Variants in LRP6 observed in about 807,000 individuals in gnomAD.
LRP6 encodes low-density lipoprotein receptor-related protein 6.
A neutral mutation model predicts 184.1 loss-of-function variants in LRP6; 43 were observed. That is an observed-to-expected ratio of 0.23 (90% CI 0.18 to 0.30). The LOEUF is 0.30. Ranked by LOEUF, LRP6 falls within the 10% of genes least tolerant of loss-of-function variation. The pLI is 1.00. For synonymous variants in LRP6, 719 were observed against 684.9 expected, an observed-to-expected ratio of 1.05 and a Z score of -0.78; for missense variants, 1,571 against 2,005.3, an observed-to-expected ratio of 0.78 and a Z score of 4.14.
In LRP6 at chr12:12,266,873, G is replaced by A. The variant is rs531315557; in HGVS notation, c.-138C>T. ...TTCCCAGCGAGAGAAGAAAGAAAGGGGCACGTCAAGGTTCCGCGCGCGCCG... is the reference window on the plus strand; with the variant it reads ...TTCCCAGCGAGAGAAGAAAGAAAGGAGCACGTCAAGGTTCCGCGCGCGCCG... On this transcript the variant is annotated 5_prime_UTR_variant, in exon 1 of 23. Coordinates refer to ENST00000261349, the MANE Select transcript of LRP6 (RefSeq NM_002336.3). The A allele has an allele frequency of 6.9e-5, 54 of 778,844 alleles. No individual in the cohort carries two copies. In the Admixed American group the frequency reaches 1.1e-3, roughly 15 times the overall value. The allele number at this position is 778,844 out of a possible 1,614,324, so 48.2% of individuals were successfully genotyped here. A position where few individuals can be genotyped will look rare whatever the true frequency, so the allele number is the denominator to read the frequency against.
At chr12:12,216,260 T>C (rs1275585936) in intron 2 of LRP6, among the ~76,000 whole-genome samples, 1 of 152,182 alleles carries the variant, frequency 6.6e-6, no homozygotes, top group Non-Finnish European at 1.5e-5. Context: ...AGCTATTAGA[T>C]TTCTGAATGT....
At position 12,233,444 on chromosome 12, in the gene LRP6, G is replaced by A. The variant is rs537672851; in HGVS notation, c.449+10818C>T. Reference sequence around the variant, plus strand: ...GATCATGCCACTGCACTCCAGCCTGGGCAACAGAGTCAGACTCCATCTCAA... The same window carrying A: ...GATCATGCCACTGCACTCCAGCCTGAGCAACAGAGTCAGACTCCATCTCAA... On this transcript the variant is annotated intron_variant, in intron 2 of 22. Transcript: ENST00000261349. Among the ~76,000 whole-genome samples the A allele has an allele frequency of 2.6e-5, 4 of 152,128 alleles. No individual in the cohort carries two copies. In the South Asian group the frequency reaches 8.3e-4, roughly 32 times the overall value.
In LRP6 at chr12:12,118,603, T is replaced by C. The variant is rs1036595769; in HGVS notation, c.*2523A>G. 8.5e-5 allele frequency: 13 copies of C among 152,216 alleles called. No homozygotes were observed. The highest frequency in any genetic ancestry group is 5.9e-4 in the Admixed American group (9 of 15,282). The allele number at this position is 152,216 out of a possible 1,614,324, so 9.4% of individuals were successfully genotyped here. A position where few individuals can be genotyped will look rare whatever the true frequency, so the allele number is the denominator to read the frequency against. On this transcript the variant is annotated 3_prime_UTR_variant, in exon 23 of 23. Coordinates refer to ENST00000261349, the MANE Select transcript of LRP6 (RefSeq NM_002336.3). Reference sequence around the variant, plus strand: ...CAACTTTTCCAATTACAGCTTGTGTTTGATAATCAATATACAGTTTACTTA... The same window carrying C: ...CAACTTTTCCAATTACAGCTTGTGTCTGATAATCAATATACAGTTTACTTA...
chr12:12,135,330 AGGAGGGGGAGT>A (rs754465147), intron 16 of LRP6, 30 bp from the exon 17 acceptor site: 17 of 1,434,384 alleles, frequency 1.2e-5, no homozygotes, highest in Non-Finnish European at 1.4e-5. Context: ...GGATGGGGAG[AGGAGGGGGAGT>A]GGAGGGGGAG....
rs2300232 is a variant in LRP6 at position 12,163,281 on chromosome 12, C to T, written c.2053-862G>A. On this transcript the variant is annotated intron_variant, in intron 9 of 22. Transcript: ENST00000261349. ...CCTGAGTCACCGCACCCAGCCACCC[C>T]CCATTTTCAAGATGAGGAAATTTAG... 2.0e-4 allele frequency among the ~76,000 whole-genome samples: 31 copies of T among 152,136 alleles called. No individual in the cohort carries two copies. The East Asian group carries it at 5.2e-3, about 26-fold the overall frequency.
Position 12,177,889 on chromosome 12 carries a change from TGAAG to T in LRP6, c.1545+1917_1545+1920del, listed in dbSNP as rs1165436890. Among the ~76,000 whole-genome samples, 9 of 151,274 alleles carry T rather than the reference TGAAG, an allele frequency of 5.9e-5. No homozygotes were observed. The East Asian group carries it at 1.5e-3, about 26-fold the overall frequency. On this transcript the variant is annotated intron_variant, in intron 7 of 22. Coordinates refer to ENST00000261349, the MANE Select transcript of LRP6 (RefSeq NM_002336.3). Reference sequence around the variant, plus strand: ...TTTGCAGATTAAAAGAACGAATGAATGAAGGAACAAATGAACGAATGAACGAATG... The same window carrying T: ...TTTGCAGATTAAAAGAACGAATGAATGAACAAATGAACGAATGAACGAATG...
At chr12:12,207,903 G>A (rs967683913) in intron 2 of LRP6, among the ~76,000 whole-genome samples, 1 of 152,110 alleles carries the variant, frequency 6.6e-6, no homozygotes, top group African/African-American at 2.4e-5. Flanking sequence ...TGACCACTAA[G>A]ATAACAGTGA....
At chr12:12,242,623 T>G (rs1268990312) in intron 2 of LRP6, among the ~76,000 whole-genome samples, 1 of 152,172 alleles carries the variant, frequency 6.6e-6, no homozygotes, top group Non-Finnish European at 1.5e-5. Flanking sequence ...AACAACCAAA[T>G]TCTTTGATAA....
At chr12:12,232,121 C>A (rs368228454) in intron 2 of LRP6, among the ~76,000 whole-genome samples, 1 of 151,966 alleles carries the variant, frequency 6.6e-6, no homozygotes, top group South Asian at 2.1e-4. Context: ...CGGTGGCTCA[C>A]GACTGTAATC....
chr12:12,252,315 C>T lies in LRP6; in HGVS notation c.56-7660G>A, dbSNP rs79028422. 1.7e-3 allele frequency among the ~76,000 whole-genome samples: 266 copies of T among 152,258 alleles called. 1 individual carries two copies. Among genetic ancestry groups the T allele is most frequent in the African/African-American group, 6.0e-3 (249 of 41,548 alleles). Reference sequence around the variant, plus strand: ...TGATGCCTTTTGTACCAACAACTGTCTTTGAGATTTCCCCTAAGGGGCCCT... The same window carrying T: ...TGATGCCTTTTGTACCAACAACTGTTTTTGAGATTTCCCCTAAGGGGCCCT... On this transcript the variant is annotated intron_variant, in intron 1 of 22. Coordinates refer to ENST00000261349, the MANE Select transcript of LRP6 (RefSeq NM_002336.3).
At chr12:12,254,356 A>G (rs893378618) in intron 1 of LRP6, among the ~76,000 whole-genome samples, 1 of 152,128 alleles carries the variant, frequency 6.6e-6, no homozygotes, top group Non-Finnish European at 1.5e-5. Flanking sequence ...CATAGGACTG[A>G]ATAAACTGAT....
intron 1 of LRP6, among the ~76,000 whole-genome samples, chr12:12,251,336 C>T (rs78533154): frequency 0.042 from 6,357 of 151,950 alleles, 181 homozygotes; most frequent in Middle Eastern, 0.16. Flanking sequence ...GTTAAAATGA[C>T]GGATTTTCTT....
At chr12:12,127,769 C>T (rs1949693091) in intron 19 of LRP6, among the ~76,000 whole-genome samples, 1 of 152,188 alleles carries the variant, frequency 6.6e-6, no homozygotes, top group Admixed American at 6.5e-5. Context: ...TTTTATCTCA[C>T]AGTTGCAGAT....
intron 1 of LRP6, among the ~76,000 whole-genome samples, chr12:12,255,053 G>A (rs765768893): frequency 6.6e-6 from 1 of 152,062 alleles, no homozygotes; most frequent in Non-Finnish European, 1.5e-5. Flanking sequence ...TAAATAATCA[G>A]GCCCAATCTA....
At chr12:12,165,819 C>CA (rs1027104051) in intron 7 of LRP6, among the ~76,000 whole-genome samples, 5 of 151,922 alleles carry the variant, frequency 3.3e-5, no homozygotes, top group Non-Finnish European at 5.9e-5. Flanking sequence ...TCAGTAACAA[C>CA]AAAAAACAGA....
intron 13 of LRP6, among the ~76,000 whole-genome samples, chr12:12,149,872 A>C (rs1173243431): frequency 3.3e-5 from 5 of 152,202 alleles, no homozygotes; most frequent in Non-Finnish European, 7.3e-5. Flanking sequence ...GGTATCTCTG[A>C]AGTAACATAT....
At position 12,119,672 on chromosome 12, in the gene LRP6, T is replaced by C. The variant is rs1949566786; in HGVS notation, c.*1454A>G. 6.6e-6 allele frequency: 1 copy of C among 152,254 alleles called. No individual in the cohort carries two copies. Among genetic ancestry groups the C allele is most frequent in the South Asian group, 2.1e-4 (1 of 4,824 alleles). 9.4% of individuals were successfully genotyped at this position (152,254 alleles called of 1,614,324 possible). ...TCTCATTTAATCCTCATTGTTAAAT[T>C]TGTTAAACTATCTTAATCCATAATG... On this transcript the variant is annotated 3_prime_UTR_variant, in exon 23 of 23. Transcript: ENST00000261349.
Position 12,124,587 on chromosome 12 carries a change from G to A in LRP6, c.4525C>T (p.Pro1509Ser), listed in dbSNP as rs138127286. The A allele has an allele frequency of 4.7e-5, 75 of 1,611,894 alleles. No homozygotes were observed. In the African/African-American group the frequency reaches 9.1e-4, roughly 19 times the overall value. ...TMEFGYSSNS[P>S]STHRSYSYRP... is the part of the protein sequence containing the mutation. The stretch of plus-strand genomic sequence containing the variant: ...TACCTGTATGACCTATGAGTGGAAG[G>A]ACTGTTTGAAGAATATCCAAATTCC... The change falls in exon 22 of 23, where the codon CCT becomes TCT. Residue 1509 changes from proline to serine, a missense_variant. This residue lies in a region of LRP6 where 763 missense variants were observed against 859.5 expected (regional missense o/e 0.89). Transcript: ENST00000261349.
chr12:12,172,145 T>C (rs931445304), intron 7 of LRP6, among the ~76,000 whole-genome samples: 1 of 152,216 alleles, frequency 6.6e-6, no homozygotes, highest in Non-Finnish European at 1.5e-5. Flanking sequence ...TTAGTTAAAC[T>C]GAAATTAGGC....
Sources: allele counts gnomAD v4.1 joint callset (sites outside exome capture counted in the v4.1 genomes callset), GRCh38; gene constraint gnomAD v4.1.1; regional missense constraint gnomAD v4.1.1; transcripts MANE v1.5; gene names NCBI Gene and HGNC (gene_info 2026-07-23, HGNC 2026-07-21).